CACNA1A: variants seen among roughly 807,000 people sequenced by gnomAD.
The protein encoded by CACNA1A is calcium voltage-gated channel subunit alpha1 A, also known as voltage-dependent P/Q-type calcium channel subunit alpha-1A.
CACNA1A carries 57 observed loss-of-function variants against 262.4 expected under a neutral mutation model. The ratio of observed to expected loss-of-function variants is 0.22; its 90% CI spans 0.18 to 0.27. The LOEUF is 0.27. CACNA1A is among the 10% of genes least tolerant of loss of function. The pLI is 1.00. For synonymous variants in CACNA1A, 1,431 were observed against 1,419.3 expected (o/e 1.01, Z -0.18); for missense variants, 2,526 against 3,562.8 (o/e 0.71, Z 7.41).
intron 3 of CACNA1A, among the ~76,000 whole-genome samples, chr19:13,433,483 A>AAAAAAAC (rs2060557017): frequency 7.1e-6 from 1 of 140,418 alleles, no homozygotes; most frequent in Non-Finnish European, 1.5e-5. Context: ...AAAAAAAAAA[A>AAAAAAAC]GTCAGCTGAA....
chr19:13,231,968 C>G (rs1266036131), intron 34 of CACNA1A, 108 bp from the exon 35 acceptor site: 8 of 1,107,726 alleles, frequency 7.2e-6, no homozygotes, highest in Non-Finnish European at 1.0e-5. Context: ...CTGGAGCTGG[C>G]CAGGCAAGCC....
chr19:13,429,472 C>A (rs1288205049), intron 3 of CACNA1A, among the ~76,000 whole-genome samples: 1 of 143,038 alleles, frequency 7.0e-6, no homozygotes, highest in Non-Finnish European at 1.5e-5. Flanking sequence ...AACGCTGACA[C>A]GAGAGATGTG....
intron 1 of CACNA1A, among the ~76,000 whole-genome samples, chr19:13,478,526 AG>A (rs1413416873): frequency 3.3e-5 from 5 of 152,094 alleles, no homozygotes; most frequent in African/African-American, 1.2e-4. Context: ...TATGTTACCC[AG>A]GCTGGTTTTG....
At chr19:13,323,188 G>A (rs1034413358) in intron 10 of CACNA1A, among the ~76,000 whole-genome samples, 4 of 152,180 alleles carry the variant, frequency 2.6e-5, no homozygotes, top group Non-Finnish European at 5.9e-5. Flanking sequence ...GAACCCAGGA[G>A]GCAGAGGTTG....
chr19:13,497,843 C>T (rs1228496737), intron 1 of CACNA1A, among the ~76,000 whole-genome samples: 1 of 151,800 alleles, frequency 6.6e-6, no homozygotes, highest in Non-Finnish European at 1.5e-5. Context: ...TCTTACAATT[C>T]CTCGGACATA....
intron 3 of CACNA1A, among the ~76,000 whole-genome samples, chr19:13,393,368 G>C (rs2059743363): frequency 1.3e-5 from 2 of 152,312 alleles, no homozygotes; most frequent in South Asian, 4.1e-4. Context: ...CATGCATGCT[G>C]TATGACCCCA....
intron 26 of CACNA1A, chr19:13,259,953 C>A: frequency 2.2e-6 from 1 of 444,620 alleles, no homozygotes; most frequent in Non-Finnish European, 4.1e-6. Flanking sequence ...ACCCAGGGTC[C>A]AGCACCCTCT....
At position 13,236,027 on chromosome 19, in the gene CACNA1A, A is replaced by G. The variant is rs2055862251; in HGVS notation, c.4951-297T>C. The G allele has an allele frequency of 2.9e-6, 1 of 341,634 alleles. No individual in the cohort carries two copies. Among genetic ancestry groups the G allele is most frequent in the Middle Eastern group, 7.6e-4 (1 of 1,324 alleles). The allele number at this position is 341,634 out of a possible 1,614,324, so 21.2% of individuals were successfully genotyped here. A position where few individuals can be genotyped will look rare whatever the true frequency, so the allele number is the denominator to read the frequency against. On this transcript the variant is annotated intron_variant, in intron 31 of 46. Coordinates refer to ENST00000360228, the MANE Select transcript of CACNA1A (RefSeq NM_001127222.2). The surrounding 1 kb of genome is among the most constrained non-coding windows in gnomAD (Gnocchi z 4.6). ...AAAGAAAAGAAAAAGAAAGGAGGAA[A>G]AAGGAACGGGGATGGGGAAGAAATA...
chr19:13,428,207 CG>C lies in CACNA1A; in HGVS notation c.539+24668del, dbSNP rs111430528. On this transcript the variant is annotated intron_variant, in intron 3 of 46. Coordinates refer to ENST00000360228, the MANE Select transcript of CACNA1A (RefSeq NM_001127222.2). ...CCTCACGACGTGCTGGGATTATAGG[CG>C]TGAGCCACTGCGCAGGGCAAGAGCT... 7.2e-3 allele frequency among the ~76,000 whole-genome samples: 1,095 copies of C among 152,310 alleles called. 18 individuals carry two copies. Among genetic ancestry groups the C allele is most frequent in the African/African-American group, 0.025 (1,029 of 41,578 alleles).
intron 24 of CACNA1A, among the ~76,000 whole-genome samples, chr19:13,268,804 C>T (rs755384838): frequency 1.3e-5 from 2 of 151,582 alleles, no homozygotes; most frequent in Non-Finnish European, 2.9e-5. Flanking sequence ...CTCCACACCC[C>T]CTCATCTCCT....
chr19:13,298,748 C>T lies in CACNA1A; in HGVS notation c.2885G>A (p.Arg962His), dbSNP rs1163181685. 1.3e-6 allele frequency: 2 copies of T among 1,509,228 alleles called. No individual in the cohort carries two copies. The highest frequency in any genetic ancestry group is 8.8e-7 in the Non-Finnish European group (1 of 1,135,670). 93.5% of individuals were successfully genotyped at this position (1,509,228 alleles called of 1,614,324 possible). A position where few individuals can be genotyped will look rare whatever the true frequency, so the allele number is the denominator to read the frequency against. ...CTCCGGACCCTCCTCCCCGGGCCTG[C>T]GGTGCGCGCGATGACGTCGATGCTC... is the stretch of plus-strand genomic sequence containing the variant. Reference protein sequence around the residue: ...DGEHRRHRAHRRPGEEGPEDK... With the variant: ...DGEHRRHRAHHRPGEEGPEDK... The change falls in exon 19 of 47, where the codon CGC becomes CAC. Residue 962 changes from arginine (R) to histidine (H), a missense_variant. By Grantham distance (29) the Arg-to-His change is conservative. Coordinates refer to ENST00000360228, the MANE Select transcript of CACNA1A (RefSeq NM_001127222.2).
chr19:13,254,004 G>T lies in CACNA1A; in HGVS notation c.4756-903C>A, dbSNP rs566990875. Among the ~76,000 whole-genome samples the T allele has an allele frequency of 6.1e-4, 93 of 152,200 alleles. 2 individuals carry two copies. In the East Asian group the frequency reaches 0.014, roughly 23 times the overall value. ...TCCGCCTGCCTCGACCTCCCAAAGT[G>T]CTGGGATTACAGGTGTGAGCCACCT... On this transcript the variant is annotated intron_variant, in intron 29 of 46. Coordinates refer to ENST00000360228, the MANE Select transcript of CACNA1A (RefSeq NM_001127222.2).
chr19:13,309,395 G>A (rs2044126173), intron 12 of CACNA1A, among the ~76,000 whole-genome samples: 1 of 151,882 alleles, frequency 6.6e-6, no homozygotes. Context: ...TACTACCTAT[G>A]TCAACAATTA....
chr19:13,377,833 T>C (rs938713582), intron 3 of CACNA1A, among the ~76,000 whole-genome samples: 4 of 152,080 alleles, frequency 2.6e-5, no homozygotes, highest in African/African-American at 4.8e-5. Context: ...CTAGATACCA[T>C]TAGGAACATT....
At position 13,402,849 on chromosome 19, in the gene CACNA1A, T is replaced by C. The variant is rs1162048793; in HGVS notation, c.540-31070A>G. The stretch of plus-strand genomic sequence containing the variant: ...ACATATATATACATATATATACACA[T>C]ATATATATACACACACACACACACA... On this transcript the variant is annotated intron_variant, in intron 3 of 46. Transcript: ENST00000360228. Among the ~76,000 whole-genome samples, 36 of 68,546 alleles carry C rather than the reference T, an allele frequency of 5.3e-4. No homozygotes were observed. In the East Asian group the frequency reaches 6.7e-3, roughly 13 times the overall value. The allele number at this position is 68,546 out of a possible 152,430, so 45.0% of individuals were successfully genotyped here.
At position 13,212,100 on chromosome 19, in the gene CACNA1A, C is replaced by T. The variant is rs747040790; in HGVS notation, c.6303+3G>A. 5.6e-6 allele frequency: 9 copies of T among 1,604,950 alleles called. No individual in the cohort carries two copies. The South Asian group carries it at 8.8e-5, about 16-fold the overall frequency. The stretch of plus-strand genomic sequence containing the variant: ...GCCCCAGGGCAGTGGTGAAAGCCCT[C>T]ACCTGGTTCTCTGCAGGGAGGCGGG... On this transcript the variant is annotated splice_donor_region_variant and intron_variant, in intron 43 of 46. Transcript: ENST00000360228. This position sits in a 1 kb window ranked among gnomAD's most constrained non-coding sequence, Gnocchi z 5.6.
intron 1 of CACNA1A, among the ~76,000 whole-genome samples, chr19:13,485,153 G>A (rs1003512184): frequency 2.1e-4 from 32 of 152,174 alleles, no homozygotes; most frequent in African/African-American, 7.2e-4. Flanking sequence ...GGCAAGAATG[G>A]GCTTTTTAAT....
At chr19:13,355,935 C>T (rs559063997) in intron 6 of CACNA1A, among the ~76,000 whole-genome samples, 1 of 152,288 alleles carries the variant, frequency 6.6e-6, no homozygotes, top group South Asian at 2.1e-4. Context: ...ATGTCTGCAG[C>T]CACTGCCAAG....
chr19:13,466,687 CAATAAT>C (rs1007386823), intron 1 of CACNA1A, among the ~76,000 whole-genome samples: 1 of 149,548 alleles, frequency 6.7e-6, no homozygotes, highest in African/African-American at 2.4e-5. Flanking sequence ...CTACTTTCTT[CAATAAT>C]AATAATAATA....
Sources: allele counts gnomAD v4.1 joint callset (sites outside exome capture counted in the v4.1 genomes callset), GRCh38; gene constraint gnomAD v4.1.1; non-coding constraint Gnocchi (gnomAD v3.1); transcripts MANE v1.5; gene names NCBI Gene and HGNC (gene_info 2026-07-23, HGNC 2026-07-21).